Variants in METTL8 observed in about 807,000 individuals in gnomAD.
METTL8 encodes tRNA N(3)-cytidine methyltransferase METTL8, mitochondrial.
In METTL8, 32 loss-of-function variants were observed where a neutral mutation model predicts 48.7. The ratio of observed to expected loss-of-function variants is 0.66; its 90% confidence interval spans 0.50 to 0.88. The LOEUF (loss-of-function observed/expected upper bound fraction) is 0.88, where lower values mean the gene tolerates loss of function less well. Among genes scored for constraint, METTL8 ranks in the 40% least tolerant of loss-of-function variants. The pLI is 0.00. For synonymous variants in METTL8, 136 were observed against 157.1 expected (o/e 0.87, Z 1.01); for missense variants, 464 against 474.4 (o/e 0.98, Z 0.20).
rs1171767236 is a variant in METTL8, at chr2:171,319,265, C to T, written c.*4907G>A. On this transcript the variant is annotated 3_prime_UTR_variant, in exon 10 of 10. Transcript: ENST00000375258. ...GCACTTTCACAAGCGGGGAAAATAC[C>T]CACGCCAACACTAAGTCTCCTGATG... 6.6e-6 allele frequency: 1 copy of T among 152,096 alleles called. No homozygotes were observed. The highest frequency in any genetic ancestry group is 1.5e-5 in the Non-Finnish European group (1 of 68,042). The allele number at this position is 152,096 out of a possible 1,614,324, so 9.4% of individuals were successfully genotyped here. A position where few individuals can be genotyped will look rare whatever the true frequency, so the allele number is the denominator to read the frequency against.
At chr2:171,342,318 A>G (rs1044726620) in intron 3 of METTL8, among the ~76,000 whole-genome samples, 1 of 152,260 alleles carries the variant, frequency 6.6e-6, no homozygotes, top group Non-Finnish European at 1.5e-5. Context: ...ATGAAAGTGG[A>G]TCTTTGTAAC....
At chr2:171,341,390 T>TTTTA (rs1041924579) in intron 3 of METTL8, among the ~76,000 whole-genome samples, 5 of 151,788 alleles carry the variant, frequency 3.3e-5, no homozygotes, top group East Asian at 1.9e-4. Context: ...CAAACATGTC[T>TTTTA]TTTATTTATT....
At chr2:171,434,136 G>A (rs1165619535), upstream of METTL8, 2 of 343,572 alleles carry the variant, frequency 5.8e-6, no homozygotes, top group Non-Finnish European at 1.2e-5. Flanking sequence ...CGCAGCCTCC[G>A]CGGGCCGGAG....
intron 1 of METTL8, among the ~76,000 whole-genome samples, chr2:171,425,524 G>C (rs1162370126): frequency 6.6e-6 from 1 of 152,214 alleles, no homozygotes; most frequent in African/African-American, 2.4e-5. Flanking sequence ...CCATGAGGCA[G>C]GGAATAGTGG....
rs934555041 is a variant in METTL8 at position 171,317,274 on chromosome 2, C to A, written c.*6898G>T. 6.6e-6 allele frequency: 1 copy of A among 152,104 alleles called. No individual in the cohort carries two copies. The highest frequency in any genetic ancestry group is 1.5e-5 in the Non-Finnish European group (1 of 68,010). 9.4% of individuals were successfully genotyped at this position (152,104 alleles called of 1,614,324 possible). Reference sequence around the variant, plus strand: ...TAACTGAGGAAAAAATTAATTTCTGCGTTTTCTGCAATGAACTAGGAGCAA... The same window carrying A: ...TAACTGAGGAAAAAATTAATTTCTGAGTTTTCTGCAATGAACTAGGAGCAA... On this transcript the variant is annotated 3_prime_UTR_variant, in exon 10 of 10. Coordinates refer to ENST00000375258, the MANE Select transcript of METTL8 (RefSeq NM_001321154.2).
chr2:171,356,952 A>ATGTTTTTTTTTTTTTTTTTTTTTTTTTTT lies in METTL8; in HGVS notation c.235+3469_235+3470insAAAAAAAAAAAAAAAAAAAAAAAAAAACA. Among the ~76,000 whole-genome samples the ATGTTTTTTTTTTTTTTTTTTTTTTTTTTT allele has an allele frequency of 2.5e-5, 2 of 78,468 alleles. 1 individual carries two copies. The highest frequency in any genetic ancestry group is 8.9e-5 in the African/African-American group (2 of 22,448). The allele number at this position is 78,468 out of a possible 152,430, so 51.5% of individuals were successfully genotyped here. A position where few individuals can be genotyped will look rare whatever the true frequency, so the allele number is the denominator to read the frequency against. ...CAAATTAGCCTTGTTCAAAGACAAT[A>ATGTTTTTTTTTTTTTTTTTTTTTTTTTTT]TTTTTTTTTTTTTTTTTGAGACAGG... is the stretch of plus-strand genomic sequence containing the variant. On this transcript the variant is annotated intron_variant, in intron 3 of 9. Transcript: ENST00000375258.
At chr2:171,393,352 C>T (rs528852275) in intron 1 of METTL8, among the ~76,000 whole-genome samples, 9 of 136,354 alleles carry the variant, frequency 6.6e-5, no homozygotes, top group Middle Eastern at 4.1e-3. Flanking sequence ...GAGCCATGAT[C>T]ATGCCACTGC....
intron 3 of METTL8, among the ~76,000 whole-genome samples, chr2:171,352,517 T>G (rs1454984561): frequency 6.6e-6 from 1 of 152,220 alleles, no homozygotes; most frequent in Non-Finnish European, 1.5e-5. Context: ...CTTTTTCTAT[T>G]GATTGGAATA....
rs538368409 is a variant in METTL8, at chr2:171,360,364, G to C, written c.235+58C>G. The stretch of plus-strand genomic sequence containing the variant: ...AGAACTCTCAGAAGCAATGACACGA[G>C]GAGGAGGAAAAGTCACTAAAGCTCT... On this transcript the variant is annotated intron_variant, in intron 3 of 9. Coordinates refer to ENST00000375258, the MANE Select transcript of METTL8 (RefSeq NM_001321154.2). The C allele has an allele frequency of 1.0e-4, 147 of 1,422,618 alleles. 2 individuals are homozygous for C. In the South Asian group the frequency reaches 1.7e-3, roughly 16 times the overall value. The allele number at this position is 1,422,618 out of a possible 1,614,324, so 88.1% of individuals were successfully genotyped here.
At chr2:171,343,824 G>C (rs555648682) in intron 3 of METTL8, among the ~76,000 whole-genome samples, 1 of 152,276 alleles carries the variant, frequency 6.6e-6, no homozygotes, top group South Asian at 2.1e-4. Flanking sequence ...AACATTATCA[G>C]TTCTACAGAC....
intron 1 of METTL8, among the ~76,000 whole-genome samples, chr2:171,398,474 A>C (rs1375009823): frequency 6.6e-6 from 1 of 152,060 alleles, no homozygotes; most frequent in East Asian, 1.9e-4. Context: ...AGAGACAGGA[A>C]GTGGAGTGGT....
rs111382165 is a variant in METTL8, at chr2:171,427,761, A to G, written c.-13+6122T>C. 3.3e-3 allele frequency among the ~76,000 whole-genome samples: 504 copies of G among 152,302 alleles called. 1 individual carries two copies. Among genetic ancestry groups the G allele is most frequent in the African/African-American group, 0.011 (462 of 41,550 alleles). ...TTCTTCACAGCACTTATTGCTACCT[A>G]GAAATCTTATTTTTTCATCTATTTA... On this transcript the variant is annotated intron_variant, in intron 1 of 9. Transcript: ENST00000375258.
At chr2:171,343,310 A>G (rs1230446854) in intron 3 of METTL8, among the ~76,000 whole-genome samples, 2 of 152,026 alleles carry the variant, frequency 1.3e-5, no homozygotes, top group Non-Finnish European at 2.9e-5. Context: ...GTGGTGGTAC[A>G]TGCCTGTAAT....
chr2:171,326,980 A>G (rs947491753), intron 7 of METTL8: 1 of 152,218 alleles, frequency 6.6e-6, no homozygotes, highest in Admixed American at 6.5e-5. Context: ...AAGATCTCCT[A>G]CTACTGACCC....
chr2:171,390,024 G>C (rs1011247493), intron 2 of METTL8, among the ~76,000 whole-genome samples: 12 of 152,192 alleles, frequency 7.9e-5, no homozygotes, highest in Admixed American at 6.5e-4. Flanking sequence ...CTCCTGTTAA[G>C]GGCTAAGGCA....
intron 3 of METTL8, among the ~76,000 whole-genome samples, chr2:171,344,059 C>T (rs1687037330): frequency 6.6e-6 from 1 of 152,094 alleles, no homozygotes; most frequent in South Asian, 2.1e-4. Flanking sequence ...CTATTTCCCA[C>T]TCAGGAATTA....
chr2:171,362,982 T>A lies in METTL8; in HGVS notation c.144-2469A>T, dbSNP rs150221442. 1.9e-3 allele frequency among the ~76,000 whole-genome samples: 287 copies of A among 152,292 alleles called. 7 individuals carry two copies. The East Asian group carries it at 0.029, about 15-fold the overall frequency. On this transcript the variant is annotated intron_variant, in intron 2 of 9. Coordinates refer to ENST00000375258, the MANE Select transcript of METTL8 (RefSeq NM_001321154.2). ...TTTTTCATCTACAAATTTCTACCACTTATAGGAAAGAAAATAGAACAATCT... is the reference window on the plus strand; with the variant it reads ...TTTTTCATCTACAAATTTCTACCACATATAGGAAAGAAAATAGAACAATCT...
At chr2:171,354,137 C>T (rs947298911) in intron 3 of METTL8, among the ~76,000 whole-genome samples, 21 of 152,098 alleles carry the variant, frequency 1.4e-4, no homozygotes, top group Non-Finnish European at 3.1e-4. Context: ...TTCAGGAGCT[C>T]TTGTAGGGCA....
rs895568880 is a variant in METTL8 at position 171,317,985 on chromosome 2, C to G, written c.*6187G>C. 5.9e-5 allele frequency: 9 copies of G among 152,180 alleles called. No homozygotes were observed. The highest frequency in any genetic ancestry group is 1.9e-4 in the African/African-American group (8 of 41,432). 9.4% of individuals were successfully genotyped at this position (152,180 alleles called of 1,614,324 possible). A position where few individuals can be genotyped will look rare whatever the true frequency, so the allele number is the denominator to read the frequency against. ...TTCTTACCCTCTGTAGGCACTCACA[C>G]GCAGAACTATTATTACTTGCTTGTT... is the stretch of plus-strand genomic sequence containing the variant. On this transcript the variant is annotated 3_prime_UTR_variant, in exon 10 of 10. Transcript: ENST00000375258.
Sources: gnomAD v4.1 joint callset for allele counts (sites outside exome capture counted in the v4.1 genomes callset) on GRCh38, gnomAD v4.1.1 for gene constraint, MANE v1.5 for transcripts, NCBI Gene and HGNC (gene_info 2026-07-23, HGNC 2026-07-21) for gene names.